The following PTPRT variants were observed in gnomAD, a reference collection of about 807,000 sequenced individuals.
The protein encoded by PTPRT is receptor-type tyrosine-protein phosphatase T.
A neutral mutation model predicts 176.8 loss-of-function variants in PTPRT; 56 were observed. The ratio of observed to expected loss-of-function variants is 0.32; its 90% confidence interval spans 0.26 to 0.40. PTPRT has a LOEUF of 0.40. Ranked by LOEUF, PTPRT falls within the 10% of genes least tolerant of loss-of-function variation. The pLI, the probability that PTPRT is intolerant of heterozygous loss-of-function variation, is 1.00. For synonymous variants in PTPRT, 783 were observed against 739.0 expected (o/e 1.06, Z -0.96); for missense variants, 1,540 against 1,908.2 (o/e 0.81, Z 3.60).
intron 3 of PTPRT, among the ~76,000 whole-genome samples, chr20:42,790,535 G>GC (rs1307220456): frequency 2.6e-5 from 4 of 151,978 alleles, no homozygotes; most frequent in Non-Finnish European, 5.9e-5. Context: ...GACATTCAAA[G>GC]CCCCCCATGA....
At chr20:42,701,637 C>G (rs2075975244) in intron 6 of PTPRT, among the ~76,000 whole-genome samples, 2 of 152,100 alleles carry the variant, frequency 1.3e-5, no homozygotes, top group South Asian at 4.2e-4. Flanking sequence ...GAACTCAGGA[C>G]TTGAAATGGT....
At chr20:42,269,805 G>A (rs2056900029) in intron 13 of PTPRT, among the ~76,000 whole-genome samples, 1 of 152,170 alleles carries the variant, frequency 6.6e-6, no homozygotes, top group Admixed American at 6.5e-5. Context: ...TTAACAGGTA[G>A]GAAAAGTCAG....
chr20:42,498,409 C>T (rs1360400054), intron 7 of PTPRT, among the ~76,000 whole-genome samples: 1 of 152,108 alleles, frequency 6.6e-6, no homozygotes, highest in Non-Finnish European at 1.5e-5. Flanking sequence ...ACTGACAAAA[C>T]AGACTCTGTA....
intron 1 of PTPRT, among the ~76,000 whole-genome samples, chr20:43,159,350 AG>A (rs1330874763): frequency 6.6e-6 from 1 of 152,210 alleles, no homozygotes; most frequent in Non-Finnish European, 1.5e-5. Context: ...TAAGGCCCAA[AG>A]GATGTGGACA....
At chr20:42,298,785 G>A (rs2057421078) in intron 12 of PTPRT, among the ~76,000 whole-genome samples, 1 of 152,124 alleles carries the variant, frequency 6.6e-6, no homozygotes, top group Non-Finnish European at 1.5e-5. Flanking sequence ...GCTGGGCATG[G>A]TGGTGGGTGC....
At chr20:42,759,144 C>T (rs796224351) in intron 5 of PTPRT, among the ~76,000 whole-genome samples, 2 of 152,232 alleles carry the variant, frequency 1.3e-5, no homozygotes, top group Non-Finnish European at 2.9e-5. Flanking sequence ...TTCCCCACTG[C>T]TGAGCAAGGC....
intron 1 of PTPRT, among the ~76,000 whole-genome samples, chr20:42,997,353 T>C (rs944994315): frequency 2.0e-5 from 3 of 152,140 alleles, no homozygotes; most frequent in Non-Finnish European, 4.4e-5. Context: ...AGCCTCTTCC[T>C]GGTTCCATTG....
chr20:42,659,543 A>G (rs1253648143), intron 7 of PTPRT, among the ~76,000 whole-genome samples: 1 of 152,216 alleles, frequency 6.6e-6, no homozygotes, highest in South Asian at 2.1e-4. Context: ...AATCTATTCA[A>G]GACAGTGGGA....
chr20:42,426,856 G>T (rs1020376748), intron 9 of PTPRT, among the ~76,000 whole-genome samples: 2 of 152,196 alleles, frequency 1.3e-5, no homozygotes, highest in African/African-American at 4.8e-5. Flanking sequence ...GATGTGGAGG[G>T]TGGATCTTGG....
At chr20:42,194,238 C>T (rs1333833392) in intron 16 of PTPRT, among the ~76,000 whole-genome samples, 1 of 152,218 alleles carries the variant, frequency 6.6e-6, no homozygotes, top group Non-Finnish European at 1.5e-5. Flanking sequence ...ACATGGCTTA[C>T]AGCACAGGGG....
At chr20:42,676,087 G>C (rs2075496348) in intron 7 of PTPRT, among the ~76,000 whole-genome samples, 1 of 152,128 alleles carries the variant, frequency 6.6e-6, no homozygotes, top group African/African-American at 2.4e-5. Context: ...ATCTTCATTG[G>C]TGGTATCGTG....
chr20:42,999,802 G>T (rs943793714), intron 1 of PTPRT, among the ~76,000 whole-genome samples: 7 of 151,876 alleles, frequency 4.6e-5, no homozygotes, highest in African/African-American at 1.7e-4. Flanking sequence ...GTGAAACCCT[G>T]ACTCTAAATA....
chr20:42,784,187 A>G (rs2077256180), intron 3 of PTPRT, among the ~76,000 whole-genome samples: 1 of 152,136 alleles, frequency 6.6e-6, no homozygotes, highest in Non-Finnish European at 1.5e-5. Flanking sequence ...AGAGGCTCTG[A>G]GATGAGTCTT....
intron 7 of PTPRT, among the ~76,000 whole-genome samples, chr20:42,532,729 T>G (rs943320190): frequency 6.6e-6 from 1 of 151,652 alleles, no homozygotes. Context: ...CACAACCATA[T>G]CCTTAGACCT....
At chr20:42,855,112 T>G (rs1188721991) in intron 2 of PTPRT, among the ~76,000 whole-genome samples, 4 of 152,130 alleles carry the variant, frequency 2.6e-5, no homozygotes, top group African/African-American at 4.8e-5. Context: ...ACTTGATATA[T>G]AAATAGGCCA....
intron 6 of PTPRT, among the ~76,000 whole-genome samples, chr20:42,704,641 C>A (rs1341005591): frequency 6.6e-6 from 1 of 152,070 alleles, no homozygotes; most frequent in Non-Finnish European, 1.5e-5. Flanking sequence ...ATTTGGGAAG[C>A]CTTCTCTGAC....
intron 7 of PTPRT, among the ~76,000 whole-genome samples, chr20:42,630,211 G>C (rs984853300): frequency 2.0e-5 from 3 of 152,104 alleles, no homozygotes; most frequent in Non-Finnish European, 4.4e-5. Flanking sequence ...AAGCAGTGCA[G>C]ACAGCTTCTA....
Position 42,315,763 on chromosome 20 carries a change from C to A in PTPRT, c.2099G>T (p.Ser700Ile), listed in dbSNP as rs747700602. Residue 700 changes from serine (S) to isoleucine (I), a missense_variant, in exon 12 of 31, where the codon AGC becomes ATC. By Grantham distance (142) the Ser-to-Ile change is moderately radical. This residue lies in a region of PTPRT where 255 missense variants were observed against 250.1 expected (regional missense o/e 1.02). Coordinates refer to ENST00000373187, the MANE Select transcript of PTPRT (RefSeq NM_007050.6). ...YWNPPLSPLK[S>I]YSIYFQALSK... ...GAGTGCCTGGAAGTAGATGCTGTAGCTTTTCAGGGGAGAGAGAGGAGGGTT... is the reference window on the plus strand; with the variant it reads ...GAGTGCCTGGAAGTAGATGCTGTAGATTTTCAGGGGAGAGAGAGGAGGGTT... 6.2e-7 allele frequency: 1 copy of A among 1,614,112 alleles called. No homozygotes were observed. Among genetic ancestry groups the A allele is most frequent in the Non-Finnish European group, 8.5e-7 (1 of 1,180,002 alleles).
intron 1 of PTPRT, among the ~76,000 whole-genome samples, chr20:42,968,585 C>T (rs1982436697): frequency 1.3e-5 from 2 of 152,188 alleles, no homozygotes; most frequent in African/African-American, 4.8e-5. Context: ...ATCAAAAGTC[C>T]ACTGAAGGCA....
Sources: gnomAD v4.1 joint callset for allele counts (sites outside exome capture counted in the v4.1 genomes callset) on GRCh38, gnomAD v4.1.1 for gene constraint, gnomAD v4.1.1 regional missense constraint, MANE v1.5 for transcripts, NCBI Gene and HGNC (gene_info 2026-07-23, HGNC 2026-07-21) for gene names.